Variants in TRDN observed in about 807,000 individuals in gnomAD.
The protein encoded by TRDN is triadin, also known as triadin in skeletal muscle.
A neutral mutation model predicts 149.7 loss-of-function variants in TRDN; 161 were observed. The observed-to-expected ratio is 1.08, with a 90% CI of 0.95 to 1.23. The LOEUF is 1.23. Ranked by LOEUF, TRDN falls within the 50% of genes most tolerant of loss-of-function variation. The pLI is 0.00. For missense variants in TRDN, 896 were observed against 823.5 expected, an observed-to-expected ratio of 1.09 and a Z score of -1.08; for synonymous variants, 294 against 250.5, an observed-to-expected ratio of 1.17 and a Z score of -1.64.
In TRDN at chr6:123,343,307, C is replaced by A. The variant is rs376961265; in HGVS notation, c.1370-5638G>T. On this transcript the variant is annotated intron_variant, in intron 21 of 40. Coordinates refer to ENST00000334268, the MANE Select transcript of TRDN (RefSeq NM_006073.4). Reference sequence around the variant, plus strand: ...CCATTCATTTAAGATATAATACATTCTTTATTTCTATAACAATGTTATTCA... The same window carrying A: ...CCATTCATTTAAGATATAATACATTATTTATTTCTATAACAATGTTATTCA... Among the ~76,000 whole-genome samples, 36 of 151,868 alleles carry A rather than the reference C, an allele frequency of 2.4e-4. No individual in the cohort carries two copies. The East Asian group carries it at 2.7e-3, about 11-fold the overall frequency.
At chr6:123,342,884 G>A (rs948536041) in intron 21 of TRDN, among the ~76,000 whole-genome samples, 37 of 152,042 alleles carry the variant, frequency 2.4e-4, no homozygotes, top group African/African-American at 8.9e-4. Context: ...GTCTGAAGCA[G>A]GGACTAGGTA....
chr6:123,625,121 C>G (rs1373889742), intron 1 of TRDN, among the ~76,000 whole-genome samples: 2 of 150,548 alleles, frequency 1.3e-5, no homozygotes, highest in African/African-American at 4.9e-5. Flanking sequence ...GATCTCCTTA[C>G]TCCTTGAAAA....
intron 24 of TRDN, among the ~76,000 whole-genome samples, chr6:123,304,850 T>A (rs112511234): frequency 3.3e-5 from 5 of 152,310 alleles, no homozygotes; most frequent in African/African-American, 1.2e-4. Context: ...TTTTTATGAC[T>A]GTTATTTAAA....
intron 23 of TRDN, among the ~76,000 whole-genome samples, chr6:123,330,779 G>A (rs1469398279): frequency 1.3e-5 from 2 of 151,954 alleles, no homozygotes; most frequent in African/African-American, 2.4e-5. Context: ...TTTATACATT[G>A]CTACACTCAC....
At chr6:123,557,571 C>T (rs1781738113) in intron 2 of TRDN, among the ~76,000 whole-genome samples, 1 of 152,074 alleles carries the variant, frequency 6.6e-6, no homozygotes, top group Non-Finnish European at 1.5e-5. Flanking sequence ...ATCCATGAAC[C>T]CAAAACTCCG....
At position 123,571,162 on chromosome 6, in the gene TRDN, A is replaced by C; in HGVS notation, c.23-30T>G. ...TCAAACATTCAGAAAGGAAAATATAATTTAGAGATTCATGGTAAATATTGA... is the reference window on the plus strand; with the variant it reads ...TCAAACATTCAGAAAGGAAAATATACTTTAGAGATTCATGGTAAATATTGA... On this transcript the variant is annotated intron_variant, in intron 1 of 40. Coordinates refer to ENST00000334268, the MANE Select transcript of TRDN (RefSeq NM_006073.4). 2.5e-6 allele frequency: 4 copies of C among 1,606,864 alleles called. No individual in the cohort carries two copies. In the South Asian group the frequency reaches 4.4e-5, roughly 18 times the overall value.
chr6:123,307,719 T>C (rs1562254857), intron 24 of TRDN, among the ~76,000 whole-genome samples: 1 of 152,008 alleles, frequency 6.6e-6, no homozygotes, highest in African/African-American at 2.4e-5. Flanking sequence ...TTCCTGAAAG[T>C]GTTTCCACTT....
chr6:123,481,180 T>A (rs1777731403), intron 9 of TRDN, among the ~76,000 whole-genome samples: 1 of 152,102 alleles, frequency 6.6e-6, no homozygotes, highest in African/African-American at 2.4e-5. Context: ...ACAATTTTGG[T>A]GATAAACCAT....
At chr6:123,403,579 A>C (rs999257480) in intron 12 of TRDN, among the ~76,000 whole-genome samples, 4 of 152,168 alleles carry the variant, frequency 2.6e-5, no homozygotes, top group African/African-American at 9.7e-5. Context: ...GTGGGAAGAA[A>C]TAAGAAAAAA....
intron 10 of TRDN, chr6:123,445,149 C>T (rs2114625359): frequency 6.6e-6 from 1 of 151,628 alleles, no homozygotes; most frequent in Non-Finnish European, 1.5e-5. Context: ...CCATCTGGTC[C>T]TGGACTCTTT....
At chr6:123,437,995 T>C in intron 12 of TRDN, 68 bp downstream of exon 12, 3 of 1,334,020 alleles carry the variant, frequency 2.2e-6, no homozygotes, top group Non-Finnish European at 3.2e-6. Flanking sequence ...GTATGTTGCA[T>C]GAGGAGTCTT....
intron 23 of TRDN, among the ~76,000 whole-genome samples, chr6:123,324,954 C>T (rs1287923096): frequency 6.6e-6 from 1 of 152,068 alleles, no homozygotes; most frequent in African/African-American, 2.4e-5. Flanking sequence ...TTTAACAATT[C>T]TTCAGAAAAT....
In TRDN at chr6:123,465,825, A is replaced by C. The variant is rs560853015; in HGVS notation, c.854-842T>G. ...CCAGAAATCAACATGCAACATGGGCATGTGTAACTTCTAAAATCTCACTGA... is the reference window on the plus strand; with the variant it reads ...CCAGAAATCAACATGCAACATGGGCCTGTGTAACTTCTAAAATCTCACTGA... On this transcript the variant is annotated intron_variant, in intron 9 of 40. Transcript: ENST00000334268. Among the ~76,000 whole-genome samples the C allele has an allele frequency of 2.3e-4, 35 of 152,350 alleles. No individual in the cohort carries two copies. The South Asian group carries it at 6.8e-3, about 30-fold the overall frequency.
At position 123,219,020 on chromosome 6, in the gene TRDN, A is replaced by C. The variant is rs142337227; in HGVS notation, c.2051-280T>G. 6.6e-5 allele frequency among the ~76,000 whole-genome samples: 10 copies of C among 152,066 alleles called. No individual in the cohort carries two copies. The East Asian group carries it at 1.9e-3, about 30-fold the overall frequency. On this transcript the variant is annotated intron_variant, in intron 40 of 40. Transcript: ENST00000334268. ...AATAAGCCTTTAATAAGTGATAATA[A>C]AAATGGCCTGGCAGAGAAAGTCAAA...
intron 24 of TRDN, among the ~76,000 whole-genome samples, chr6:123,304,370 A>C (rs1778534707): frequency 1.3e-5 from 2 of 148,286 alleles, no homozygotes; most frequent in African/African-American, 5.0e-5. Context: ...CCCCTGCCTC[A>C]GCCTCCCAAG....
intron 1 of TRDN, among the ~76,000 whole-genome samples, chr6:123,636,303 A>G (rs1470797899): frequency 6.6e-6 from 1 of 152,012 alleles, no homozygotes; most frequent in African/African-American, 2.4e-5. Context: ...TAAAAATATC[A>G]TAAAGCAGAA....
At chr6:123,576,456 T>C (rs920802056) in intron 1 of TRDN, among the ~76,000 whole-genome samples, 1 of 137,380 alleles carries the variant, frequency 7.3e-6, no homozygotes, top group Non-Finnish European at 1.6e-5. Flanking sequence ...ATGTATGGTT[T>C]TTCTTTTTTA....
chr6:123,584,872 G>T (rs1018345624), intron 1 of TRDN, among the ~76,000 whole-genome samples: 4 of 152,174 alleles, frequency 2.6e-5, no homozygotes, highest in Admixed American at 1.3e-4. Context: ...AAAACAATTT[G>T]GTTGATAAGG....
intron 40 of TRDN, among the ~76,000 whole-genome samples, chr6:123,220,169 A>G (rs1355758351): frequency 6.6e-6 from 1 of 151,854 alleles, no homozygotes; most frequent in Non-Finnish European, 1.5e-5. Flanking sequence ...TTTGTTTTTA[A>G]TTAAAATTTT....
Sources: gnomAD v4.1 joint callset for allele counts (sites outside exome capture counted in the v4.1 genomes callset) on GRCh38, gnomAD v4.1.1 for gene constraint, MANE v1.5 for transcripts, NCBI Gene and HGNC (gene_info 2026-07-23, HGNC 2026-07-21) for gene names.